The following DTYMK variants were observed in gnomAD, a reference collection of about 807,000 sequenced individuals.
The protein encoded by DTYMK is thymidylate kinase.
Under a neutral mutation model 20.3 loss-of-function variants are expected in DTYMK, and 20 were observed. The observed-to-expected ratio is 0.99, with a 90% CI of 0.69 to 1.43. DTYMK has a LOEUF of 1.43. Ranked by LOEUF, DTYMK falls within the 40% of genes most tolerant of loss-of-function variation. The pLI is 0.00. For synonymous variants in DTYMK, 148 were observed against 124.4 expected, an observed-to-expected ratio of 1.19 and a Z score of -1.27; for missense variants, 320 against 291.1, an observed-to-expected ratio of 1.10 and a Z score of -0.72.
rs200504246 is a variant in DTYMK, at chr2:241,679,973, A to C, written c.330+256T>G. Among the ~76,000 whole-genome samples the C allele has an allele frequency of 1.7e-3, 253 of 149,826 alleles. 1 individual carries two copies. The highest frequency in any genetic ancestry group is 0.014 in the East Asian group (71 of 5,128). On this transcript the variant is annotated intron_variant, in intron 3 of 4. Coordinates refer to ENST00000305784, the MANE Select transcript of DTYMK (RefSeq NM_012145.4). ...GACAGAATGAGAGACTGTCTCCCCA[A>C]AAAAAAAAAAAAAAGCGTGTGGAAA... is the stretch of plus-strand genomic sequence containing the variant.
At position 241,686,787 on chromosome 2, in the gene DTYMK, T is replaced by G; in HGVS notation, c.-4A>C. The G allele has an allele frequency of 6.9e-7, 1 of 1,453,568 alleles. No individual in the cohort carries two copies. Among genetic ancestry groups the G allele is most frequent in the Non-Finnish European group, 9.0e-7 (1 of 1,116,684 alleles). 90.0% of individuals were successfully genotyped at this position (1,453,568 alleles called of 1,614,324 possible). ...GAGCCCCGCGCCGGGCCGCCATGAC[T>G]GTCCACCGCCCGCCGCTGGCGTCTC... On this transcript the variant is annotated 5_prime_UTR_variant, in exon 1 of 5. Coordinates refer to ENST00000305784, the MANE Select transcript of DTYMK (RefSeq NM_012145.4).
At chr2:241,684,442 T>C (rs1215068116) in intron 2 of DTYMK, among the ~76,000 whole-genome samples, 2 of 152,180 alleles carry the variant, frequency 1.3e-5, no homozygotes, top group Non-Finnish European at 2.9e-5. Context: ...CAGTGTTTCA[T>C]GTAACACGGA....
chr2:241,683,424 C>T (rs1017856875), intron 2 of DTYMK, among the ~76,000 whole-genome samples: 5 of 152,032 alleles, frequency 3.3e-5, no homozygotes, highest in South Asian at 2.1e-4. Flanking sequence ...TTTCTCAAAA[C>T]GTTACGAGAT....
At chr2:241,681,020 A>G (rs2069246022) in intron 2 of DTYMK, among the ~76,000 whole-genome samples, 1 of 152,200 alleles carries the variant, frequency 6.6e-6, no homozygotes, top group Non-Finnish European at 1.5e-5. Context: ...GGGCACAGCC[A>G]GCAGGTGACT....
chr2:241,679,506 C>T (rs4675795), intron 3 of DTYMK, among the ~76,000 whole-genome samples: 3,873 of 151,836 alleles, frequency 0.026, 206 homozygotes, highest in East Asian at 0.17. Flanking sequence ...CGGTGGCTCG[C>T]GCCTGTAATC....
chr2:241,681,468 T>A (rs376969431), intron 2 of DTYMK, among the ~76,000 whole-genome samples: 1 of 151,978 alleles, frequency 6.6e-6, no homozygotes, highest in African/African-American at 2.4e-5. Flanking sequence ...GGCAGGAGGA[T>A]TGCTTGAGCC....
chr2:241,683,924 GTACGCGCCTGTAATCCCAGC>G (rs1553575662), intron 2 of DTYMK, among the ~76,000 whole-genome samples: 1 of 152,046 alleles, frequency 6.6e-6, no homozygotes, highest in Non-Finnish European at 1.5e-5. Context: ...GTGCATGGTC[GTACGCGCCTGTAATCCCAGC>G]TACTCAGGAG....
At chr2:241,682,306 C>T in intron 2 of DTYMK, 1 of 446,464 alleles carries the variant, frequency 2.2e-6, no homozygotes, top group Admixed American at 2.4e-5. Context: ...GCGCACTGCA[C>T]TCAGCCTGCA....
Position 241,680,254 on chromosome 2 carries a change from C to T in DTYMK, c.305G>A (p.Gly102Asp), listed in dbSNP as rs372130106. The T allele has an allele frequency of 4.3e-6, 7 of 1,614,084 alleles. No individual in the cohort carries two copies. In the African/African-American group the frequency reaches 8.0e-5, roughly 18 times the overall value. ...TLVVDRYAFSGVAFTGAKENF... is the reference protein window; with the variant it reads ...TLVVDRYAFSDVAFTGAKENF... ...CTCCTTGGCACCGGTGAAGGCCACA[C>T]CAGAAAATGCGTATCTGTCCACGAC... The change falls in exon 3 of 5, where the codon GGT becomes GAT. Residue 102 changes from glycine to aspartate, a missense_variant. Coordinates refer to ENST00000305784, the MANE Select transcript of DTYMK (RefSeq NM_012145.4).
chr2:241,682,518 T>C (rs1227957459), intron 2 of DTYMK, among the ~76,000 whole-genome samples: 1 of 152,208 alleles, frequency 6.6e-6, no homozygotes, highest in Non-Finnish European at 1.5e-5. Flanking sequence ...CTGGGCGTAA[T>C]GGCTCATGCC....
intron 4 of DTYMK, among the ~76,000 whole-genome samples, chr2:241,676,906 C>A (rs921646074): frequency 3.9e-5 from 6 of 152,262 alleles, no homozygotes; most frequent in Admixed American, 2.0e-4. Flanking sequence ...AGTTCCGCAG[C>A]AGAAGCCAGA....
In DTYMK at chr2:241,686,676, G is replaced by A. The variant is rs1338861245; in HGVS notation, c.108C>T (p.Arg36=). 2 of 1,526,648 alleles carry A rather than the reference G, an allele frequency of 1.3e-6. No homozygotes were observed. Among genetic ancestry groups the A allele is most frequent in the South Asian group, 1.2e-5 (1 of 83,532 alleles). The allele number at this position is 1,526,648 out of a possible 1,614,324, so 94.6% of individuals were successfully genotyped here. The change falls in exon 1 of 5, where the codon CGC becomes CGT. Residue 36 remains arginine, a synonymous_variant. Coordinates refer to ENST00000305784, the MANE Select transcript of DTYMK (RefSeq NM_012145.4). ...CACCCGGGAACCGGAGCAGTTCGGCGCGGTGGCCCGCGGCGCACAGCGCTT... is the reference window on the plus strand; with the variant it reads ...CACCCGGGAACCGGAGCAGTTCGGCACGGTGGCCCGCGGCGCACAGCGCTT... The part of the protein sequence containing the change: ...LVEALCAAGH[R]AELLRFPERS...
At chr2:241,684,894 T>C in intron 2 of DTYMK, 1 of 388,200 alleles carries the variant, frequency 2.6e-6, no homozygotes, top group Non-Finnish European at 5.2e-6. Context: ...AGGGGTAGTA[T>C]GTAGGGAGCG....
chr2:241,676,994 A>G (rs749768469), intron 4 of DTYMK, among the ~76,000 whole-genome samples: 4 of 152,194 alleles, frequency 2.6e-5, no homozygotes, highest in Admixed American at 6.5e-5. Flanking sequence ...TGTGCTGCAC[A>G]ATGGCGTGAA....
chr2:241,677,942 C>T lies in DTYMK; in HGVS notation c.528+510G>A, dbSNP rs148905275. On this transcript the variant is annotated intron_variant, in intron 4 of 4. Transcript: ENST00000305784. ...CTCTCACCTGACCCACCAGACAAAGCGCCAAATGTCAACATTTAGCAAAAC... is the reference window on the plus strand; with the variant it reads ...CTCTCACCTGACCCACCAGACAAAGTGCCAAATGTCAACATTTAGCAAAAC... Among the ~76,000 whole-genome samples, 10 of 152,312 alleles carry T rather than the reference C, an allele frequency of 6.6e-5. No individual in the cohort carries two copies. In the East Asian group the frequency reaches 9.7e-4, roughly 15 times the overall value.
At chr2:241,683,212 G>A (rs2069306488) in intron 2 of DTYMK, among the ~76,000 whole-genome samples, 1 of 152,196 alleles carries the variant, frequency 6.6e-6, no homozygotes, top group African/African-American at 2.4e-5. Context: ...AGAACAATGA[G>A]ATGCCACACA....
rs145592637 is a variant in DTYMK at position 241,677,911 on chromosome 2, C to T, written c.528+541G>A. 1.2e-3 allele frequency among the ~76,000 whole-genome samples: 185 copies of T among 152,336 alleles called. 1 individual carries two copies. Among genetic ancestry groups the T allele is most frequent in the African/African-American group, 4.1e-3 (172 of 41,568 alleles). On this transcript the variant is annotated intron_variant, in intron 4 of 4. Coordinates refer to ENST00000305784, the MANE Select transcript of DTYMK (RefSeq NM_012145.4). The stretch of plus-strand genomic sequence containing the variant: ...GAGGGGCTGAGGATGTGGAGGATTG[C>T]GCAGACTCTCACCTGACCCACCAGA...
intron 2 of DTYMK, among the ~76,000 whole-genome samples, chr2:241,684,903 C>T (rs1044221346): frequency 1.3e-5 from 2 of 151,890 alleles, no homozygotes; most frequent in Non-Finnish European, 2.9e-5. Context: ...ATGTAGGGAG[C>T]GCTCTACATA....
At chr2:241,686,546 C>T (rs28630677) in intron 1 of DTYMK, 108 bp downstream of exon 1, 65,935 of 1,349,568 alleles carry the variant, frequency 0.049, 2,111 homozygotes, top group African/African-American at 0.16. Context: ...AAAATAAAAA[C>T]CGCACAGTTC....
Sources: allele counts gnomAD v4.1 joint callset (sites outside exome capture counted in the v4.1 genomes callset), GRCh38; gene constraint gnomAD v4.1.1; transcripts MANE v1.5; gene names NCBI Gene and HGNC (gene_info 2026-07-23, HGNC 2026-07-21).